Variants in SERPINB6 observed in about 807,000 individuals in gnomAD.
SERPINB6 encodes the protein serpin family B member 6, also known as serpin B6.
Under a neutral mutation model 26.1 loss-of-function variants are expected in SERPINB6, and 16 were observed. That is an observed-to-expected ratio of 0.61 (90% CI 0.42 to 0.93). The LOEUF is 0.93. Ranked by LOEUF, SERPINB6 falls within the 40% of genes least tolerant of loss-of-function variation. SERPINB6 has a pLI of 0.00. For synonymous variants in SERPINB6, 174 were observed against 176.6 expected, an observed-to-expected ratio of 0.99 and a Z score of 0.11; for missense variants, 420 against 478.0, an observed-to-expected ratio of 0.88 and a Z score of 1.13.
intron 3 of SERPINB6, 48 bp downstream of exon 3, chr6:2,955,476 A>G (rs1770349051): frequency 1.2e-6 from 2 of 1,613,340 alleles, no homozygotes; most frequent in East Asian, 4.5e-5. Flanking sequence ...AGCCCCCACT[A>G]CCTGGCCACC....
At chr6:2,961,002 C>T (rs1771046024) in intron 1 of SERPINB6, 1 of 152,252 alleles carries the variant, frequency 6.6e-6, no homozygotes, top group Non-Finnish European at 1.5e-5. Flanking sequence ...CCAAGAAACG[C>T]AAGGACCACA....
chr6:2,953,032 C>A lies in SERPINB6; in HGVS notation c.573+12G>T. On this transcript the variant is annotated intron_variant, in intron 5 of 6. Coordinates refer to ENST00000380539, the MANE Select transcript of SERPINB6 (RefSeq NM_004568.6). Reference sequence around the variant, plus strand: ...AACACAGGCGCTGCTCCTGTCACGGCCCCTTACTCGCCTTGCTGACTTTAA... The same window carrying A: ...AACACAGGCGCTGCTCCTGTCACGGACCCTTACTCGCCTTGCTGACTTTAA... 6.2e-7 allele frequency: 1 copy of A among 1,614,152 alleles called. No individual in the cohort carries two copies. The highest frequency in any genetic ancestry group is 8.5e-7 in the Non-Finnish European group (1 of 1,180,032).
intron 5 of SERPINB6, among the ~76,000 whole-genome samples, chr6:2,951,392 A>AAT (rs1328271915): frequency 5.0e-5 from 7 of 138,940 alleles, no homozygotes; most frequent in African/African-American, 1.6e-4. Flanking sequence ...GTCTTGGAAA[A>AAT]AATAAAAAAT....
chr6:2,969,053 G>T, intron 1 of SERPINB6: 1 of 1,157,198 alleles, frequency 8.6e-7, no homozygotes, highest in Non-Finnish European at 1.1e-6. Flanking sequence ...TCGCAATAAT[G>T]CATAAACACT....
In SERPINB6 at chr6:2,967,161, C is replaced by T; in HGVS notation, c.-11+4372G>A. 2.0e-6 allele frequency: 2 copies of T among 985,344 alleles called. No individual in the cohort carries two copies. Among genetic ancestry groups the T allele is most frequent in the Non-Finnish European group, 2.4e-6 (2 of 829,892 alleles). The allele number at this position is 985,344 out of a possible 1,614,324, so 61.0% of individuals were successfully genotyped here. ...GTGACCAGTGCAGAGCTCCAGCCAC[C>T]CAGACTCCTCGAGTTGGAGGGATCT... On this transcript the variant is annotated intron_variant, in intron 1 of 6. Transcript: ENST00000380539. The surrounding 1 kb of genome is among the most constrained non-coding windows in gnomAD (Gnocchi z 4.3).
chr6:2,955,057 G>T, intron 3 of SERPINB6: 1 of 302,724 alleles, frequency 3.3e-6, no homozygotes, highest in Non-Finnish European at 6.3e-6. Context: ...ATGTATGGTG[G>T]CATGCACCTG....
chr6:2,951,656 C>T (rs1769825758), intron 5 of SERPINB6, among the ~76,000 whole-genome samples: 1 of 152,178 alleles, frequency 6.6e-6, no homozygotes, highest in Admixed American at 6.5e-5. Flanking sequence ...AAATAAGAAT[C>T]TGTATCAACT....
intron 1 of SERPINB6, among the ~76,000 whole-genome samples, chr6:2,964,309 G>GT (rs1448581477): frequency 2.0e-5 from 3 of 151,930 alleles, no homozygotes; most frequent in Non-Finnish European, 4.4e-5. Context: ...AAACTCACAG[G>GT]TTTTGTACAT....
intron 5 of SERPINB6, among the ~76,000 whole-genome samples, chr6:2,951,308 C>T (rs1459668930): frequency 6.6e-6 from 1 of 151,480 alleles, no homozygotes; most frequent in Non-Finnish European, 1.5e-5. Context: ...ATCACCTGAA[C>T]CCGGGAGGCG....
chr6:2,958,350 C>T (rs911540), intron 2 of SERPINB6, among the ~76,000 whole-genome samples: 45,186 of 152,098 alleles, frequency 0.3, 7,380 homozygotes, highest in East Asian at 0.5. Context: ...ACGGGTGGCC[C>T]CGACCAGCTA....
chr6:2,962,467 C>G (rs1561686605), intron 1 of SERPINB6, among the ~76,000 whole-genome samples: 1 of 152,202 alleles, frequency 6.6e-6, no homozygotes, highest in Non-Finnish European at 1.5e-5. Context: ...GGGCAAATCA[C>G]TGGACTCCTG....
chr6:2,953,666 TA>T (rs113896703), intron 4 of SERPINB6, among the ~76,000 whole-genome samples: 54 of 150,534 alleles, frequency 3.6e-4, no homozygotes, highest in African/African-American at 1.1e-3. Context: ...CCTTGTCTCT[TA>T]AAAAAAAAAT....
intron 2 of SERPINB6, chr6:2,956,253 C>T (rs1032669218): frequency 1.1e-4 from 17 of 154,584 alleles, no homozygotes; most frequent in African/African-American, 4.1e-4. Context: ...TATACAAACA[C>T]AGGCCGCCCC....
In SERPINB6 at chr6:2,959,149, G is replaced by A; in HGVS notation, c.165+19C>T. 1 of 1,614,026 alleles carries A rather than the reference G, an allele frequency of 6.2e-7. No individual in the cohort carries two copies. The highest frequency in any genetic ancestry group is 8.5e-7 in the Non-Finnish European group (1 of 1,179,956). On this transcript the variant is annotated intron_variant, in intron 2 of 6. Transcript: ENST00000380539. The stretch of plus-strand genomic sequence containing the variant: ...CTAACTTGACAGTTAATAGCACCAT[G>A]GCTGCCCTGAAGCTGTACCTGGGCC...
At chr6:2,952,208 G>T (rs1385246872) in intron 5 of SERPINB6, among the ~76,000 whole-genome samples, 1 of 152,204 alleles carries the variant, frequency 6.6e-6, no homozygotes, top group East Asian at 1.9e-4. Context: ...TCAGAATAAA[G>T]CTTCAAAGAA....
chr6:2,955,894 TGG>T (rs1770421198), intron 2 of SERPINB6: 5 of 496,270 alleles, frequency 1.0e-5, no homozygotes, highest in African/African-American at 1.9e-5. Context: ...CTGGCCAACA[TGG>T]CAAAACCCCA....
chr6:2,960,753 T>TA (rs1211491776), intron 1 of SERPINB6: 1 of 152,366 alleles, frequency 6.6e-6, no homozygotes, highest in African/African-American at 2.4e-5. Context: ...GCTCCAAAGA[T>TA]ACCTGGGTCA....
At chr6:2,958,764 G>A (rs1770779798) in intron 2 of SERPINB6, among the ~76,000 whole-genome samples, 1 of 152,190 alleles carries the variant, frequency 6.6e-6, no homozygotes, top group South Asian at 2.1e-4. Flanking sequence ...CTGAAAACAT[G>A]TTTAGCTGAC....
chr6:2,953,625 G>A (rs1238933837), intron 4 of SERPINB6, among the ~76,000 whole-genome samples: 1 of 152,054 alleles, frequency 6.6e-6, no homozygotes, highest in African/African-American at 2.4e-5. Context: ...GAGGCCAGGA[G>A]TTTGAGACCA....
Sources: allele counts gnomAD v4.1 joint callset (sites outside exome capture counted in the v4.1 genomes callset), GRCh38; gene constraint gnomAD v4.1.1; non-coding constraint Gnocchi (gnomAD v3.1); transcripts MANE v1.5; gene names NCBI Gene and HGNC (gene_info 2026-07-23, HGNC 2026-07-21).